Variants in SGCD observed in about 807,000 individuals in gnomAD.
SGCD encodes delta-sarcoglycan.
Under a neutral mutation model 36.6 loss-of-function variants are expected in SGCD, and 18 were observed. That is an observed-to-expected ratio of 0.49 (90% confidence interval 0.34 to 0.73). The LOEUF (loss-of-function observed/expected upper bound fraction) is 0.73, where lower values mean the gene tolerates loss of function less well. Ranked by LOEUF, SGCD falls within the 30% of genes least tolerant of loss-of-function variation. SGCD has a pLI of 0.01. For synonymous variants in SGCD, 133 were observed against 130.6 expected (o/e 1.02, Z -0.12); for missense variants, 387 against 346.7 (o/e 1.12, Z -0.92).
intron 3 of SGCD, among the ~76,000 whole-genome samples, chr5:156,192,464 C>A (rs972084622): frequency 6.6e-5 from 10 of 151,888 alleles, no homozygotes; most frequent in Non-Finnish European, 1.2e-4. Context: ...ATACCAAAGG[C>A]TGGGAAGTGT....
At chr5:155,782,581 G>C in the SGCD span, among the ~76,000 whole-genome samples, 1 of 152,058 alleles carries the variant, frequency 6.6e-6, no homozygotes, top group Admixed American at 6.6e-5. Flanking sequence ...TACTGAAAAG[G>C]AGTTTTTTCC....
the SGCD span, among the ~76,000 whole-genome samples, chr5:155,746,120 G>A: frequency 1.3e-5 from 2 of 152,256 alleles, no homozygotes; most frequent in South Asian, 4.1e-4. Flanking sequence ...GCAAGTTGTA[G>A]AATATTCAAT....
intron 4 of SGCD, among the ~76,000 whole-genome samples, chr5:156,579,504 C>T (rs947408182): frequency 3.3e-5 from 5 of 152,096 alleles, no homozygotes; most frequent in African/African-American, 1.2e-4. Flanking sequence ...CTAATATTGA[C>T]AGTGGGGTGT....
rs58947494 is a variant in SGCD, at chr5:156,691,206, C to CAAA, written c.575+43688_575+43690dup. ...TGGGCAACAGAGCGAGACTCTGTCTCAAAAAAAAAAAAAAAAAAAAGAGAG... is the reference window on the plus strand; with the variant it reads ...TGGGCAACAGAGCGAGACTCTGTCTCAAAAAAAAAAAAAAAAAAAAAAAGAGAG... On this transcript the variant is annotated intron_variant, in intron 7 of 8. Coordinates refer to ENST00000337851, the MANE Select transcript of SGCD (RefSeq NM_000337.6). Among the ~76,000 whole-genome samples, 154 of 61,854 alleles carry CAAA rather than the reference C, an allele frequency of 2.5e-3. 18 individuals carry two copies. In the East Asian group the frequency reaches 0.063, roughly 25 times the overall value. 40.6% of individuals were successfully genotyped at this position (61,854 alleles called of 152,430 possible).
chr5:156,262,650 A>C (rs1236720865), intron 3 of SGCD, among the ~76,000 whole-genome samples: 1 of 151,980 alleles, frequency 6.6e-6, no homozygotes, highest in East Asian at 1.9e-4. Flanking sequence ...GACAGTATAC[A>C]CTGTACCCAA....
chr5:156,056,654 A>AAAAAAAAAAAAAAAC lies in SGCD; in HGVS notation c.-281-61213_-281-61212insAAACAAAAAAAAAAA, dbSNP rs1209421786. The stretch of plus-strand genomic sequence containing the variant: ...CCTGCCAAATTATCCTTAAAAAAAA[A>AAAAAAAAAAAAAAAC]AAAAAAAAAAACAGTCTCCAAATTT... On this transcript the variant is annotated intron_variant, in intron 1 of 9. Transcript: ENST00000517913. 3.8e-3 allele frequency among the ~76,000 whole-genome samples: 529 copies of AAAAAAAAAAAAAAAC among 137,832 alleles called. 31 individuals carry two copies. Among genetic ancestry groups the AAAAAAAAAAAAAAAC allele is most frequent in the African/African-American group, 0.01 (370 of 35,690 alleles). The allele number at this position is 137,832 out of a possible 152,430, so 90.4% of individuals were successfully genotyped here. A position where few individuals can be genotyped will look rare whatever the true frequency, so the allele number is the denominator to read the frequency against.
chr5:156,099,897 A>G (rs10068004), intron 1 of SGCD, among the ~76,000 whole-genome samples: 73,173 of 151,988 alleles, frequency 0.48, 19,626 homozygotes, highest in African/African-American at 0.74. Context: ...TTTTATGTTA[A>G]TATATGCAGT....
chr5:156,528,921 C>G (rs564406640), intron 4 of SGCD, among the ~76,000 whole-genome samples: 10 of 152,150 alleles, frequency 6.6e-5, no homozygotes, highest in African/African-American at 1.9e-4. Flanking sequence ...AAGAACATCC[C>G]AGCTGTCTAG....
intron 3 of SGCD, among the ~76,000 whole-genome samples, chr5:156,198,573 C>T (rs1476795347): frequency 6.6e-6 from 1 of 152,174 alleles, no homozygotes; most frequent in Non-Finnish European, 1.5e-5. Context: ...AACATCCTCA[C>T]TCTTTGCCCT....
chr5:156,144,928 A>G (rs1246005734), intron 3 of SGCD, among the ~76,000 whole-genome samples: 2 of 152,186 alleles, frequency 1.3e-5, no homozygotes, highest in African/African-American at 2.4e-5. Context: ...TTGACTTTAG[A>G]GTTAATGCTA....
chr5:156,277,451 A>G (rs1321654104), intron 3 of SGCD, among the ~76,000 whole-genome samples: 1 of 152,184 alleles, frequency 6.6e-6, no homozygotes, highest in African/African-American at 2.4e-5. Context: ...ATAAAAATGC[A>G]AAGAGGGTTG....
At chr5:156,754,104 T>C (rs1757251933) in intron 7 of SGCD, among the ~76,000 whole-genome samples, 1 of 152,184 alleles carries the variant, frequency 6.6e-6, no homozygotes, top group African/African-American at 2.4e-5. Context: ...CCTGGTTCTT[T>C]CATGGCTGAG....
intron 3 of SGCD, among the ~76,000 whole-genome samples, chr5:156,437,742 T>C (rs569332764): frequency 6.6e-6 from 1 of 152,266 alleles, no homozygotes; most frequent in African/African-American, 2.4e-5. Flanking sequence ...ACAGGGGAGA[T>C]GGCAATTCAG....
At chr5:155,936,127 G>A (rs1757191880) in intron 1 of SGCD, among the ~76,000 whole-genome samples, 1 of 152,182 alleles carries the variant, frequency 6.6e-6, no homozygotes, top group African/African-American at 2.4e-5. Context: ...CTAGGTCTGG[G>A]CTCCCCGAAG....
chr5:156,197,400 A>G (rs1764047091), intron 3 of SGCD, among the ~76,000 whole-genome samples: 1 of 151,946 alleles, frequency 6.6e-6, no homozygotes, highest in Non-Finnish European at 1.5e-5. Context: ...ATTTTTTAAA[A>G]AGCATATGTT....
intron 1 of SGCD, among the ~76,000 whole-genome samples, chr5:156,005,285 G>A (rs892211588): frequency 1.3e-5 from 2 of 152,082 alleles, no homozygotes; most frequent in Non-Finnish European, 2.9e-5. Context: ...GATTGATCTT[G>A]CTTTCCAGCT....
intron 4 of SGCD, among the ~76,000 whole-genome samples, chr5:156,584,508 A>G (rs1760412281): frequency 6.6e-6 from 1 of 152,224 alleles, no homozygotes; most frequent in African/African-American, 2.4e-5. Context: ...AATAAGGGGC[A>G]GTTGAAAGAG....
rs141892026 is a variant in SGCD, at chr5:156,279,984, AAC to A, written c.-43-49528_-43-49527del. Among the ~76,000 whole-genome samples the A allele has an allele frequency of 2.7e-3, 401 of 148,294 alleles. 1 individual carries two copies. Among genetic ancestry groups the A allele is most frequent in the African/African-American group, 8.9e-3 (359 of 40,528 alleles). On this transcript the variant is annotated intron_variant, in intron 3 of 9. Transcript: ENST00000517913. ...TGAATACTGTTGAAACACACATACA[AAC>A]ACACACACACACACACACACAAACA...
At chr5:156,649,712 G>C (rs772968040) in intron 7 of SGCD, among the ~76,000 whole-genome samples, 1 of 151,540 alleles carries the variant, frequency 6.6e-6, no homozygotes, top group Admixed American at 6.6e-5. Flanking sequence ...GGCCTGTTGT[G>C]GGGTGGGGGG....
Sources: allele counts gnomAD v4.1 joint callset (sites outside exome capture counted in the v4.1 genomes callset), GRCh38; gene constraint gnomAD v4.1.1; transcripts MANE v1.5; gene names NCBI Gene and HGNC (gene_info 2026-07-23, HGNC 2026-07-21).